HECW1: variants seen among roughly 807,000 people sequenced by gnomAD.
HECW1 encodes the protein HECT, C2 and WW domain containing E3 ubiquitin protein ligase 1, also known as E3 ubiquitin-protein ligase HECW1.
Under a neutral mutation model 182.3 loss-of-function variants are expected in HECW1, and 61 were observed. The observed-to-expected ratio is 0.33, with a 90% CI of 0.27 to 0.41. HECW1 has a LOEUF of 0.41. Among genes scored for constraint, HECW1 ranks in the 10% least tolerant of loss-of-function variants. The pLI is 1.00. For synonymous variants in HECW1, 859 were observed against 832.6 expected (o/e 1.03, Z -0.55); for missense variants, 1,739 against 2,108.9 (o/e 0.82, Z 3.44).
At chr7:43,524,739 G>C (rs748622710) in intron 24 of HECW1, among the ~76,000 whole-genome samples, 1 of 152,222 alleles carries the variant, frequency 6.6e-6, no homozygotes, top group Non-Finnish European at 1.5e-5. Context: ...GTTCCTACTA[G>C]AGACTGTGGA....
intron 18 of HECW1, 54 bp from the exon 19 acceptor site, chr7:43,493,030 G>A: frequency 8.1e-7 from 1 of 1,227,054 alleles, no homozygotes; most frequent in South Asian, 1.3e-5. Flanking sequence ...AATCATCAGA[G>A]TGATTATCTC....
intron 2 of HECW1, among the ~76,000 whole-genome samples, chr7:43,116,468 C>A (rs1272521343): frequency 6.6e-6 from 1 of 152,166 alleles, no homozygotes; most frequent in African/African-American, 2.4e-5. Flanking sequence ...ATTATTTGCT[C>A]AAGCAACATT....
chr7:43,205,224 C>T (rs1211127804), intron 2 of HECW1, among the ~76,000 whole-genome samples: 2 of 152,068 alleles, frequency 1.3e-5, no homozygotes, highest in Non-Finnish European at 2.9e-5. Flanking sequence ...GCTGGAATTA[C>T]AGGCACCCAC....
intron 6 of HECW1, among the ~76,000 whole-genome samples, chr7:43,376,658 A>G (rs547433547): frequency 1.3e-5 from 2 of 152,304 alleles, no homozygotes; most frequent in East Asian, 3.9e-4. Flanking sequence ...TGAGGTCAGG[A>G]GTTCGAGATC....
intron 26 of HECW1, among the ~76,000 whole-genome samples, chr7:43,546,947 G>A (rs1417419771): frequency 3.3e-5 from 5 of 151,956 alleles, no homozygotes; most frequent in Non-Finnish European, 4.4e-5. Flanking sequence ...GGGCACTTTC[G>A]CCTGCATTAA....
chr7:43,425,494 C>A (rs568770332), intron 8 of HECW1, among the ~76,000 whole-genome samples: 1 of 152,100 alleles, frequency 6.6e-6, no homozygotes, highest in East Asian at 1.9e-4. Context: ...CAGCCTCCTG[C>A]GCTATCCACT....
Position 43,124,234 on chromosome 7 carries a change from G to A in HECW1, c.-32+9843G>A, listed in dbSNP as rs140588860. ...CCTGCCTTTGAAATTTCATTTTAGAGGCAAAAGAGAGTGAACGGCTTTGCT... is the reference window on the plus strand; with the variant it reads ...CCTGCCTTTGAAATTTCATTTTAGAAGCAAAAGAGAGTGAACGGCTTTGCT... On this transcript the variant is annotated intron_variant, in intron 2 of 29. Coordinates refer to ENST00000395891, the MANE Select transcript of HECW1 (RefSeq NM_015052.5). 2.2e-4 allele frequency among the ~76,000 whole-genome samples: 34 copies of A among 152,288 alleles called. No homozygotes were observed. The East Asian group carries it at 2.7e-3, about 12-fold the overall frequency.
rs2152968528 is a variant in HECW1, at chr7:43,565,652, C to T, written c.*3726C>T. 5.6e-6 allele frequency: 1 copy of T among 179,030 alleles called. No homozygotes were observed. Among genetic ancestry groups the T allele is most frequent in the South Asian group, 2.0e-4 (1 of 5,044 alleles). 11.1% of individuals were successfully genotyped at this position (179,030 alleles called of 1,614,324 possible). A position where few individuals can be genotyped will look rare whatever the true frequency, so the allele number is the denominator to read the frequency against. On this transcript the variant is annotated 3_prime_UTR_variant, in exon 30 of 30. Coordinates refer to ENST00000395891, the MANE Select transcript of HECW1 (RefSeq NM_015052.5). ...TACCGCAATACTATATCATAAAAATCTGGGATGGATGTTCCAGCCATCATA... is the reference window on the plus strand; with the variant it reads ...TACCGCAATACTATATCATAAAAATTTGGGATGGATGTTCCAGCCATCATA...
At chr7:43,125,183 C>T (rs1195027997) in intron 2 of HECW1, among the ~76,000 whole-genome samples, 2 of 152,108 alleles carry the variant, frequency 1.3e-5, no homozygotes, top group Non-Finnish European at 2.9e-5. Flanking sequence ...GCTCCAGCCT[C>T]ATGACCTATT....
chr7:43,504,445 G>A (rs1169006730), intron 21 of HECW1, among the ~76,000 whole-genome samples: 2 of 152,162 alleles, frequency 1.3e-5, no homozygotes. Flanking sequence ...CCCTGATGCA[G>A]CGTAGATTCT....
chr7:43,509,377 C>A, intron 24 of HECW1: 1 of 385,962 alleles, frequency 2.6e-6, no homozygotes, highest in Non-Finnish European at 4.6e-6. Flanking sequence ...TGAGAAGACG[C>A]TAAGATCAGT....
intron 6 of HECW1, among the ~76,000 whole-genome samples, chr7:43,383,115 TA>T (rs1321546693): frequency 7.2e-5 from 11 of 152,222 alleles, no homozygotes; most frequent in African/African-American, 2.7e-4. Context: ...ATGAACTCAT[TA>T]TTTTTTTATG....
At chr7:43,555,016 A>G (rs536666318) in intron 29 of HECW1, among the ~76,000 whole-genome samples, 2 of 152,182 alleles carry the variant, frequency 1.3e-5, no homozygotes, top group Non-Finnish European at 2.9e-5. Context: ...TTGAGCTGTA[A>G]TATCTTGGTC....
At chr7:43,147,777 A>G (rs908411237) in intron 2 of HECW1, among the ~76,000 whole-genome samples, 1 of 152,198 alleles carries the variant, frequency 6.6e-6, no homozygotes, top group Non-Finnish European at 1.5e-5. Flanking sequence ...GGGACTGGCC[A>G]TTGGCCACAG....
intron 29 of HECW1, among the ~76,000 whole-genome samples, chr7:43,559,329 G>A (rs1009788211): frequency 8.6e-5 from 13 of 151,198 alleles, no homozygotes; most frequent in African/African-American, 2.7e-4. Flanking sequence ...AACATCCATC[G>A]CACCAAGTGT....
intron 5 of HECW1, among the ~76,000 whole-genome samples, chr7:43,336,120 T>TCTCTCTCTCTCTCTC (rs1562853468): frequency 1.3e-5 from 1 of 75,440 alleles, no homozygotes; most frequent in African/African-American, 5.8e-5. Flanking sequence ...CTTTCTTTCT[T>TCTCTCTCTCTCTCTC]TCTTTCTCTC....
In HECW1 at chr7:43,122,215, G is replaced by A. The variant is rs967309326; in HGVS notation, c.-32+7824G>A. The stretch of plus-strand genomic sequence containing the variant: ...GCCGAGGACTGCAGAGCTTTCCCAG[G>A]TTCACAAGGTCAGAAGTAGAGCCCA... On this transcript the variant is annotated intron_variant, in intron 2 of 29. Coordinates refer to ENST00000395891, the MANE Select transcript of HECW1 (RefSeq NM_015052.5). Among the ~76,000 whole-genome samples, 100 of 152,186 alleles carry A rather than the reference G, an allele frequency of 6.6e-4. 1 individual carries two copies. Among genetic ancestry groups the A allele is most frequent in the African/African-American group, 2.0e-3 (82 of 41,436 alleles).
At chr7:43,160,460 GCTTTGA>G (rs2152656061) in intron 2 of HECW1, among the ~76,000 whole-genome samples, 1 of 152,202 alleles carries the variant, frequency 6.6e-6, no homozygotes, top group East Asian at 1.9e-4. Context: ...ACATTTCAAT[GCTTTGA>G]CTTTATTTTG....
chr7:43,280,824 A>G (rs1431133817), intron 3 of HECW1, among the ~76,000 whole-genome samples: 1 of 152,180 alleles, frequency 6.6e-6, no homozygotes, highest in African/African-American at 2.4e-5. Context: ...CCTCAGGTGG[A>G]CAATAACACT....
Sources: allele counts gnomAD v4.1 joint callset (sites outside exome capture counted in the v4.1 genomes callset), GRCh38; gene constraint gnomAD v4.1.1; transcripts MANE v1.5; gene names NCBI Gene and HGNC (gene_info 2026-07-23, HGNC 2026-07-21).